The following CDC42BPA variants were observed in gnomAD, a reference collection of about 807,000 sequenced individuals.
CDC42BPA encodes CDC42 binding protein kinase alpha, also known as serine/threonine-protein kinase MRCK alpha.
CDC42BPA carries 80 observed loss-of-function variants against 223.5 expected under a neutral mutation model. The ratio of observed to expected loss-of-function variants is 0.36; its 90% CI spans 0.30 to 0.43. The LOEUF is 0.43. Among genes scored for constraint, CDC42BPA ranks in the 20% least tolerant of loss-of-function variants. The pLI, the probability that CDC42BPA is intolerant of heterozygous loss-of-function variation, is 1.00. For synonymous variants in CDC42BPA, 694 were observed against 718.6 expected, an observed-to-expected ratio of 0.97 and a Z score of 0.55; for missense variants, 1,743 against 2,099.9, an observed-to-expected ratio of 0.83 and a Z score of 3.32.
chr1:227,255,855 A>G (rs950806595), intron 1 of CDC42BPA, among the ~76,000 whole-genome samples: 3 of 152,198 alleles, frequency 2.0e-5, no homozygotes, highest in African/African-American at 7.2e-5. Context: ...AGAAGACTTA[A>G]TATTGTTAAT....
intron 1 of CDC42BPA, among the ~76,000 whole-genome samples, chr1:227,280,343 C>A (rs1030612454): frequency 2.0e-5 from 3 of 152,086 alleles, no homozygotes; most frequent in Middle Eastern, 3.2e-3. Context: ...CATTCTCAAA[C>A]AGTCCCTTTT....
intron 11 of CDC42BPA, among the ~76,000 whole-genome samples, chr1:227,125,256 G>C (rs1367506565): frequency 2.6e-5 from 4 of 151,784 alleles, no homozygotes; most frequent in African/African-American, 9.7e-5. Context: ...CAAGTGCAGG[G>C]GGAGCTAGAT....
intron 2 of CDC42BPA, chr1:227,219,186 A>G (rs1328652250): frequency 6.6e-6 from 1 of 152,254 alleles, no homozygotes; most frequent in African/African-American, 2.4e-5. Context: ...TTCAGACCCT[A>G]GAACTGGATT....
At chr1:227,107,563 A>C (rs1033899616) in intron 14 of CDC42BPA, among the ~76,000 whole-genome samples, 2 of 152,204 alleles carry the variant, frequency 1.3e-5, no homozygotes, top group African/African-American at 4.8e-5. Flanking sequence ...CTGGGACGAC[A>C]GGTGCCTTCT....
intron 6 of CDC42BPA, among the ~76,000 whole-genome samples, chr1:227,159,069 T>C (rs1345195453): frequency 2.0e-5 from 3 of 152,338 alleles, no homozygotes; most frequent in East Asian, 1.9e-4. Context: ...GCTTCAACTA[T>C]TGTATCCAGT....
At chr1:227,036,265 G>A (rs1273126526) in intron 24 of CDC42BPA, among the ~76,000 whole-genome samples, 1 of 152,038 alleles carries the variant, frequency 6.6e-6, no homozygotes, top group Middle Eastern at 3.2e-3. Context: ...GAGGCAAGAT[G>A]ACAAAAATCA....
chr1:227,014,265 G>A (rs1665781755), intron 34 of CDC42BPA, among the ~76,000 whole-genome samples: 1 of 151,924 alleles, frequency 6.6e-6, no homozygotes. Context: ...ATTTTTAAAA[G>A]TACTATATCA....
chr1:227,230,197 T>G (rs758828279), intron 2 of CDC42BPA, among the ~76,000 whole-genome samples: 1 of 152,250 alleles, frequency 6.6e-6, no homozygotes, highest in East Asian at 1.9e-4. Flanking sequence ...GGGCTGAATG[T>G]TGGGAGTTTA....
chr1:227,281,014 T>A (rs908272788), intron 1 of CDC42BPA, among the ~76,000 whole-genome samples: 2 of 152,162 alleles, frequency 1.3e-5, no homozygotes, highest in East Asian at 3.9e-4. Context: ...GCCTGTTCCA[T>A]AGCCCAGATA....
At chr1:227,026,211 AT>A in intron 30 of CDC42BPA, 59 bp from the exon 31 acceptor site, 1 of 888,744 alleles carries the variant, frequency 1.1e-6, no homozygotes. Flanking sequence ...AACCCCAAAT[AT>A]TTTGAAAGGT....
intron 35 of CDC42BPA, among the ~76,000 whole-genome samples, chr1:226,995,256 T>C (rs1343745): frequency 0.17 from 26,431 of 152,172 alleles, 2,619 homozygotes; most frequent in Non-Finnish European, 0.22. Context: ...TTGTTAACAA[T>C]TCCCCAGAAT....
chr1:227,010,746 G>T, intron 34 of CDC42BPA: 1 of 281,920 alleles, frequency 3.5e-6, no homozygotes, highest in Non-Finnish European at 6.5e-6. Context: ...GGAGAAGTTT[G>T]GCAGAAGAGA....
chr1:227,208,307 C>T (rs1424164076), intron 3 of CDC42BPA, among the ~76,000 whole-genome samples: 1 of 146,242 alleles, frequency 6.8e-6, no homozygotes, highest in East Asian at 2.0e-4. Flanking sequence ...TTGTAGGTTG[C>T]CTGTTCACTC....
Position 227,142,984 on chromosome 1 carries a change from T to C in CDC42BPA, c.1184A>G (p.His395Arg), listed in dbSNP as rs1424372698. Reference protein sequence around the residue: ...PPPTHTAFSGHHLPFVGFTYT... With the variant: ...PPPTHTAFSGRHLPFVGFTYT... ...TGTAAAACCAACAAATGGCAGATGG[T>C]GGCCAGAAAATGCAGTATGTGTTGG... is the stretch of plus-strand genomic sequence containing the variant. Residue 395 changes from histidine (H) to arginine (R), a missense_variant, in exon 9 of 37, where the codon CAC (histidine) becomes CGC (arginine). By Grantham distance (29) the His-to-Arg change is conservative (BLOSUM62 0). This residue lies in a region of CDC42BPA where 321 missense variants were observed against 488.7 expected (regional missense o/e 0.66). Coordinates refer to ENST00000366766, the MANE Select transcript of CDC42BPA (RefSeq NM_001394014.1). 1 of 1,540,934 alleles carries C rather than the reference T, an allele frequency of 6.5e-7. No individual in the cohort carries two copies. Among genetic ancestry groups the C allele is most frequent in the Middle Eastern group, 1.7e-4 (1 of 5,888 alleles).
intron 1 of CDC42BPA, among the ~76,000 whole-genome samples, chr1:227,307,057 T>C (rs1692682674): frequency 1.3e-5 from 2 of 151,860 alleles, no homozygotes; most frequent in African/African-American, 4.9e-5. Flanking sequence ...TCTGTACCAA[T>C]GGTTAGAGAG....
At position 227,029,123 on chromosome 1, in the gene CDC42BPA, C is replaced by A. The variant is rs558092331; in HGVS notation, c.3966G>T (p.Gly1322=). ...VRLFPMSALD[G]RETDFYKLSE... Reference sequence around the variant, plus strand: ...ACAGCTTGTAAAAATCGGTCTCTCGCCCATCCAATGCTGACATAGGAAAAA... The same window carrying A: ...ACAGCTTGTAAAAATCGGTCTCTCGACCATCCAATGCTGACATAGGAAAAA... Residue 1322 remains glycine (G), a synonymous_variant, in exon 30 of 37, where the codon GGG becomes GGT. Coordinates refer to ENST00000366766, the MANE Select transcript of CDC42BPA (RefSeq NM_001394014.1). The A allele has an allele frequency of 5.6e-6, 9 of 1,611,686 alleles. No homozygotes were observed. In the African/African-American group the frequency reaches 1.1e-4, roughly 19 times the overall value.
intron 1 of CDC42BPA, among the ~76,000 whole-genome samples, chr1:227,255,034 T>C (rs1489557847): frequency 6.6e-6 from 1 of 152,216 alleles, no homozygotes; most frequent in African/African-American, 2.4e-5. Context: ...GGAAAAGGCT[T>C]TGAATTTCAT....
At chr1:227,032,967 G>A (rs182978699) in intron 27 of CDC42BPA, among the ~76,000 whole-genome samples, 49 of 152,294 alleles carry the variant, frequency 3.2e-4, no homozygotes, top group Admixed American at 1.9e-3. Flanking sequence ...CTGTTACAAA[G>A]CAGTAAGTAA....
chr1:227,263,451 A>C (rs3106474), intron 1 of CDC42BPA, among the ~76,000 whole-genome samples: 3 of 151,990 alleles, frequency 2.0e-5, no homozygotes, highest in African/African-American at 7.3e-5. Context: ...AATTTACAGC[A>C]TAGTGGTCAT....
Sources: allele counts gnomAD v4.1 joint callset (sites outside exome capture counted in the v4.1 genomes callset), GRCh38; gene constraint gnomAD v4.1.1; regional missense constraint gnomAD v4.1.1; transcripts MANE v1.5; gene names NCBI Gene and HGNC (gene_info 2026-07-23, HGNC 2026-07-21).